The following RGS6 variants were observed in gnomAD, a reference collection of about 807,000 sequenced individuals.
The protein encoded by RGS6 is regulator of G protein signaling 6, also known as regulator of G-protein signaling 6.
A neutral mutation model predicts 78.5 loss-of-function variants in RGS6; 30 were observed. The observed-to-expected ratio is 0.38, with a 90% CI of 0.29 to 0.52. The LOEUF (loss-of-function observed/expected upper bound fraction) is 0.52. Among genes scored for constraint, RGS6 ranks in the 20% least tolerant of loss-of-function variants. RGS6 has a pLI of 0.85. For synonymous variants in RGS6, 206 were observed against 206.0 expected, an observed-to-expected ratio of 1.00 and a Z score of 0.00; for missense variants, 495 against 609.7, an observed-to-expected ratio of 0.81 and a Z score of 1.98.
intron 2 of RGS6, among the ~76,000 whole-genome samples, chr14:71,978,022 G>A (rs2094231903): frequency 6.6e-6 from 1 of 151,482 alleles, no homozygotes; most frequent in Admixed American, 6.6e-5. Context: ...TCTCTTTGAA[G>A]CAATTGTGAA....
chr14:72,126,516 G>A (rs1451862578), intron 2 of RGS6, among the ~76,000 whole-genome samples: 1 of 152,206 alleles, frequency 6.6e-6, no homozygotes, highest in Non-Finnish European at 1.5e-5. Flanking sequence ...CGTTGGTTAA[G>A]TGGTGGTGCT....
intron 17 of RGS6, among the ~76,000 whole-genome samples, chr14:72,553,667 A>G (rs1172135919): frequency 1.3e-5 from 2 of 152,186 alleles, no homozygotes; most frequent in Non-Finnish European, 2.9e-5. Context: ...ATATTGACCC[A>G]GTAACTCTCT....
intron 2 of RGS6, among the ~76,000 whole-genome samples, chr14:72,044,884 A>G (rs1224256304): frequency 1.3e-5 from 2 of 152,138 alleles, no homozygotes; most frequent in Non-Finnish European, 2.9e-5. Flanking sequence ...AAAAACAAAA[A>G]AAACCAAACT....
chr14:72,429,519 A>G (rs537797519), intron 3 of RGS6, among the ~76,000 whole-genome samples: 1 of 152,198 alleles, frequency 6.6e-6, no homozygotes, highest in Non-Finnish European at 1.5e-5. Flanking sequence ...GGGACAACAG[A>G]ATGAAGCCAG....
the RGS6 span, among the ~76,000 whole-genome samples, chr14:71,875,959 G>A: frequency 7.9e-5 from 12 of 152,200 alleles, no homozygotes; most frequent in Admixed American, 3.3e-4. Flanking sequence ...GCAGTTTTGA[G>A]TGAGTTTGTT....
At chr14:71,951,707 A>AG (rs1444445841) in intron 1 of RGS6, among the ~76,000 whole-genome samples, 2 of 152,186 alleles carry the variant, frequency 1.3e-5, no homozygotes, top group Non-Finnish European at 2.9e-5. Flanking sequence ...ATGTTTTTAC[A>AG]GTGTTGGCTA....
At chr14:72,488,091 C>T (rs1018982625) in intron 12 of RGS6, among the ~76,000 whole-genome samples, 4 of 152,134 alleles carry the variant, frequency 2.6e-5, no homozygotes, top group African/African-American at 9.7e-5. Flanking sequence ...TTTACAAAGC[C>T]TCTGACTTTA....
At chr14:72,108,397 G>T (rs2095679402) in intron 2 of RGS6, among the ~76,000 whole-genome samples, 1 of 151,866 alleles carries the variant, frequency 6.6e-6, no homozygotes, top group African/African-American at 2.4e-5. Context: ...CATATGTCTT[G>T]ATGCTGATAG....
At chr14:71,989,183 T>A (rs1566969629) in intron 2 of RGS6, among the ~76,000 whole-genome samples, 1 of 152,214 alleles carries the variant, frequency 6.6e-6, no homozygotes, top group Non-Finnish European at 1.5e-5. Context: ...TGCTGTAAAA[T>A]CATTGTTATT....
the RGS6 span, chr14:72,629,689 T>C: frequency 6.5e-7 from 1 of 1,536,128 alleles, no homozygotes; most frequent in South Asian, 1.2e-5. Context: ...TTGTAGGTCT[T>C]GACAGCCTCG....
the RGS6 span, among the ~76,000 whole-genome samples, chr14:71,889,564 G>A: frequency 6.6e-6 from 1 of 152,146 alleles, no homozygotes; most frequent in South Asian, 2.1e-4. Context: ...TTCACTGAGT[G>A]GGTCACACCA....
In RGS6 at chr14:72,549,198, G is replaced by A. The variant is rs546008948; in HGVS notation, c.1422+9104G>A. Among the ~76,000 whole-genome samples, 16 of 152,256 alleles carry A rather than the reference G, an allele frequency of 1.1e-4. 1 individual carries two copies. In the East Asian group the frequency reaches 1.2e-3, roughly 11 times the overall value. ...AAAGCAAGGGAAACCGTCAGGAAGT[G>A]GAATTACTGCCCTTCACATGTCATC... On this transcript the variant is annotated intron_variant, in intron 17 of 17. Coordinates refer to ENST00000553525, the MANE Select transcript of RGS6 (RefSeq NM_001204424.2).
At chr14:71,892,050 T>C in the RGS6 span, among the ~76,000 whole-genome samples, 1 of 152,222 alleles carries the variant, frequency 6.6e-6, no homozygotes, top group Non-Finnish European at 1.5e-5. Context: ...TTCACATGAC[T>C]TCATTACACA....
chr14:72,017,661 A>G (rs1378912078), intron 2 of RGS6, among the ~76,000 whole-genome samples: 1 of 152,140 alleles, frequency 6.6e-6, no homozygotes, highest in Non-Finnish European at 1.5e-5. Context: ...AGTGATAGTA[A>G]CCTTTCTTGT....
At chr14:72,567,293 T>A (rs559672985), downstream of RGS6, among the ~76,000 whole-genome samples, 1 of 152,266 alleles carries the variant, frequency 6.6e-6, no homozygotes, top group East Asian at 1.9e-4. Flanking sequence ...CTCAGGTCCA[T>A]AACATGTCCC....
At chr14:72,499,765 C>A (rs1167568352) in intron 13 of RGS6, among the ~76,000 whole-genome samples, 6 of 152,090 alleles carry the variant, frequency 3.9e-5, no homozygotes, top group Admixed American at 3.3e-4. Flanking sequence ...TGGCTGGCTT[C>A]ACTTCTCATT....
intron 2 of RGS6, among the ~76,000 whole-genome samples, chr14:72,180,801 A>T (rs2097164172): frequency 6.6e-6 from 1 of 152,114 alleles, no homozygotes; most frequent in South Asian, 2.1e-4. Flanking sequence ...GATATAAATG[A>T]TACATTTGGC....
At chr14:72,415,330 T>A (rs1300085940) in intron 3 of RGS6, among the ~76,000 whole-genome samples, 1 of 152,232 alleles carries the variant, frequency 6.6e-6, no homozygotes, top group Admixed American at 6.5e-5. Flanking sequence ...GGCATAGGAC[T>A]CTCCAAGCCA....
chr14:72,479,611 C>T (rs1392967921), intron 12 of RGS6, among the ~76,000 whole-genome samples: 2 of 152,206 alleles, frequency 1.3e-5, no homozygotes, highest in Non-Finnish European at 2.9e-5. Flanking sequence ...GGCTGGAGCT[C>T]AGCTTACACT....
Sources: allele counts gnomAD v4.1 joint callset (sites outside exome capture counted in the v4.1 genomes callset), GRCh38; gene constraint gnomAD v4.1.1; transcripts MANE v1.5; gene names NCBI Gene and HGNC (gene_info 2026-07-23, HGNC 2026-07-21).